GPC3: variants seen among roughly 807,000 people sequenced by gnomAD.
GPC3 encodes glypican-3.
Under a neutral mutation model 34.4 loss-of-function variants are expected in GPC3, and 3 were observed. That is an observed-to-expected ratio of 0.09 (90% confidence interval 0.04 to 0.23). The LOEUF (loss-of-function observed/expected upper bound fraction) is 0.23, where lower values mean the gene tolerates loss of function less well. GPC3 is among the 10% of genes least tolerant of loss of function. The probability of loss-of-function intolerance (pLI) is 1.00; values close to 1 mark genes in which losing one functional copy is unlikely to be tolerated. For synonymous variants in GPC3, 177 were observed against 174.0 expected, an observed-to-expected ratio of 1.02 and a Z score of -0.13; for missense variants, 351 against 445.6, an observed-to-expected ratio of 0.79 and a Z score of 1.91.
chrX:133,981,698 C>T (rs756076117), intron 1 of GPC3, among the ~76,000 whole-genome samples: 2 of 112,169 alleles, frequency 1.8e-5, no homozygotes, highest in South Asian at 3.7e-4. Context: ...ATTGGGGAAC[C>T]GCAGCTGGCA....
At chrX:133,676,293 C>T (rs2070883551) in intron 5 of GPC3, among the ~76,000 whole-genome samples, 1 of 112,439 alleles carries the variant, frequency 8.9e-6, no homozygotes, top group Admixed American at 9.4e-5. Flanking sequence ...AAGGCTGCAG[C>T]AAGAACCCTG....
chrX:133,746,436 A>G (rs1312009207), intron 3 of GPC3, among the ~76,000 whole-genome samples: 1 of 112,754 alleles, frequency 8.9e-6, no homozygotes, highest in Non-Finnish European at 1.9e-5. Flanking sequence ...TTTCAGGATG[A>G]AACATTTTTA....
Position 133,985,557 on chromosome X carries a change from G to C in GPC3, c.-108C>G. 1 of 782,996 alleles carries C rather than the reference G, an allele frequency of 1.3e-6. No homozygotes were observed. Among genetic ancestry groups the C allele is most frequent in the Non-Finnish European group, 1.8e-6 (1 of 543,306 alleles). 64.5% of individuals were successfully genotyped at this position (782,996 alleles called of 1,213,427 possible). A position where few individuals can be genotyped will look rare whatever the true frequency, so the allele number is the denominator to read the frequency against. ...GGCCCTGAGGAGCAAGAGACGTGCT[G>C]CTACCCAGCCGCTGCAAAAGTTTCC... On this transcript the variant is annotated 5_prime_UTR_variant, in exon 1 of 8. Coordinates refer to ENST00000370818, the MANE Select transcript of GPC3 (RefSeq NM_004484.4).
At chrX:133,863,534 C>G (rs2075948656) in intron 2 of GPC3, among the ~76,000 whole-genome samples, 1 of 109,146 alleles carries the variant, frequency 9.2e-6, no homozygotes, top group Non-Finnish European at 1.9e-5. Context: ...GGCCACAGAA[C>G]TAATAAATGC....
intron 6 of GPC3, among the ~76,000 whole-genome samples, chrX:133,623,015 AAAG>A (rs2070251314): frequency 1.8e-5 from 2 of 112,118 alleles, no homozygotes; most frequent in Admixed American, 9.5e-5. Context: ...CAACATTCTT[AAAG>A]AAAAGAATTT....
intron 2 of GPC3, among the ~76,000 whole-genome samples, chrX:133,873,775 A>G (rs1173707016): frequency 8.9e-6 from 1 of 111,746 alleles, no homozygotes; most frequent in Non-Finnish European, 1.9e-5. Context: ...AGATAAGCTT[A>G]AAACAGATTA....
chrX:133,911,227 T>A, intron 2 of GPC3, among the ~76,000 whole-genome samples: 1 of 112,528 alleles, frequency 8.9e-6, no homozygotes, highest in Middle Eastern at 4.6e-3. Flanking sequence ...CTTTTTAATC[T>A]TTGTTTTGCT....
chrX:133,936,298 GA>G (rs2076323538), intron 2 of GPC3, among the ~76,000 whole-genome samples: 2 of 108,888 alleles, frequency 1.8e-5, no homozygotes, highest in African/African-American at 6.7e-5. Context: ...TGCCCGGCCT[GA>G]GTCTCATAAC....
intron 3 of GPC3, among the ~76,000 whole-genome samples, chrX:133,705,236 G>T (rs1404675777): frequency 9.0e-6 from 1 of 111,482 alleles, no homozygotes; most frequent in Non-Finnish European, 1.9e-5. Context: ...GTCTTGCTCT[G>T]TTGCCCAGGC....
intron 2 of GPC3, among the ~76,000 whole-genome samples, chrX:133,786,747 T>A (rs927220504): frequency 1.8e-5 from 2 of 110,500 alleles, no homozygotes; most frequent in Non-Finnish European, 3.8e-5. Context: ...TTTTGCTGAG[T>A]TTTTTTTTCT....
At chrX:133,587,953 G>A (rs1861856226) in intron 7 of GPC3, among the ~76,000 whole-genome samples, 1 of 111,540 alleles carries the variant, frequency 9.0e-6, no homozygotes, top group African/African-American at 3.3e-5. Context: ...TAGAAGTGAC[G>A]CCCTTCCCTT....
intron 3 of GPC3, among the ~76,000 whole-genome samples, chrX:133,712,452 T>C (rs1157030108): frequency 1.8e-5 from 2 of 112,214 alleles, no homozygotes; most frequent in Non-Finnish European, 3.8e-5. Flanking sequence ...GTAAATGTTA[T>C]GAGCTCTTTA....
intron 2 of GPC3, among the ~76,000 whole-genome samples, chrX:133,790,490 G>T: frequency 9.0e-6 from 1 of 111,306 alleles, no homozygotes; most frequent in East Asian, 2.8e-4. Context: ...GACCGAAAAG[G>T]GTATTTTATT....
intron 6 of GPC3, among the ~76,000 whole-genome samples, chrX:133,640,525 T>C (rs1430448689): frequency 8.9e-6 from 1 of 112,448 alleles, no homozygotes; most frequent in Non-Finnish European, 1.9e-5. Context: ...AGCACGCCGC[T>C]CTGGCAGCCT....
intron 1 of GPC3, among the ~76,000 whole-genome samples, chrX:133,973,363 C>T (rs2076501490): frequency 8.9e-6 from 1 of 112,569 alleles, no homozygotes; most frequent in African/African-American, 3.2e-5. Flanking sequence ...GCTGACACCA[C>T]CTACCTTTCA....
chrX:133,749,763 T>C (rs1166448419), intron 3 of GPC3, among the ~76,000 whole-genome samples: 1 of 111,389 alleles, frequency 9.0e-6, no homozygotes, highest in East Asian at 2.9e-4. Flanking sequence ...GGGTTTTACA[T>C]TTTATCGCAA....
Position 133,796,792 on chromosome X carries a change from T to A in GPC3, c.338-42616A>T, listed in dbSNP as rs200444689. ...AACTTTTTAGCTTTGCCTTTACAGT[T>A]AAACTAACTCAACTTCACTGCCACT... On this transcript the variant is annotated intron_variant, in intron 2 of 7. Coordinates refer to ENST00000370818, the MANE Select transcript of GPC3 (RefSeq NM_004484.4). 1.8e-3 allele frequency among the ~76,000 whole-genome samples: 206 copies of A among 111,721 alleles called. 2 individuals carry two copies. Among genetic ancestry groups the A allele is most frequent in the South Asian group, 0.018 (48 of 2,629 alleles).
chrX:133,821,220 AT>A (rs2075717338), intron 2 of GPC3, among the ~76,000 whole-genome samples: 1 of 112,351 alleles, frequency 8.9e-6, no homozygotes, highest in African/African-American at 3.2e-5. Flanking sequence ...TACACTAATT[AT>A]TACAAAAGTC....
chrX:133,552,575 G>A (rs962337552), intron 7 of GPC3, among the ~76,000 whole-genome samples: 4 of 111,830 alleles, frequency 3.6e-5, no homozygotes, highest in South Asian at 3.8e-4. Flanking sequence ...CAAGCAATAC[G>A]AAATGCGCCT....
Sources: allele counts gnomAD v4.1 joint callset (sites outside exome capture counted in the v4.1 genomes callset), GRCh38; gene constraint gnomAD v4.1.1; transcripts MANE v1.5; gene names NCBI Gene and HGNC (gene_info 2026-07-23, HGNC 2026-07-21).